The following OSMR variants were observed in gnomAD, a reference collection of about 807,000 sequenced individuals.
OSMR encodes the protein oncostatin-M-specific receptor subunit beta.
Under a neutral mutation model 99.9 loss-of-function variants are expected in OSMR, and 81 were observed. That is an observed-to-expected ratio of 0.81 (90% confidence interval 0.68 to 0.97). The LOEUF (loss-of-function observed/expected upper bound fraction) is 0.97. Ranked by LOEUF, OSMR falls within the 50% of genes least tolerant of loss-of-function variation. OSMR has a pLI of 0.00. For missense variants in OSMR, 1,099 were observed against 1,153.4 expected, an observed-to-expected ratio of 0.95 and a Z score of 0.68; for synonymous variants, 406 against 410.4, an observed-to-expected ratio of 0.99 and a Z score of 0.13.
chr5:38,926,113 A>G (rs1237697798), intron 15 of OSMR, among the ~76,000 whole-genome samples: 2 of 152,222 alleles, frequency 1.3e-5, no homozygotes, highest in Non-Finnish European at 2.9e-5. Flanking sequence ...ATACTGATGG[A>G]AGAAAGAGGA....
chr5:38,941,507 A>G (rs983332159), intron 1 of OSMR: 5 of 231,366 alleles, frequency 2.2e-5, no homozygotes, highest in African/African-American at 1.1e-4. Context: ...TGAAAGTGGA[A>G]GTCCATTGCA....
chr5:38,870,609 TA>T lies in OSMR; in HGVS notation c.73+1497del, dbSNP rs539134253. Among the ~76,000 whole-genome samples the T allele has an allele frequency of 2.2e-3, 338 of 152,328 alleles. 1 individual carries two copies. The highest frequency in any genetic ancestry group is 7.9e-3 in the African/African-American group (328 of 41,574). On this transcript the variant is annotated intron_variant, in intron 2 of 17. Transcript: ENST00000274276. The stretch of plus-strand genomic sequence containing the variant: ...CAATTAAAATGAGCAAGGTCTGGTA[TA>T]AAAATAAAACCGACTTTTTATACCA...
chr5:38,903,529 T>A (rs1390073966), intron 7 of OSMR, among the ~76,000 whole-genome samples: 1 of 152,248 alleles, frequency 6.6e-6, no homozygotes, highest in Non-Finnish European at 1.5e-5. Flanking sequence ...GATTATATCC[T>A]TGACATTGTT....
chr5:38,859,864 G>T (rs979725715), intron 1 of OSMR, among the ~76,000 whole-genome samples: 1 of 151,968 alleles, frequency 6.6e-6, no homozygotes, highest in African/African-American at 2.4e-5. Flanking sequence ...TTGCTTTCTT[G>T]ATATCTTTTT....
At chr5:38,883,008 A>T (rs1218402483) in intron 4 of OSMR, among the ~76,000 whole-genome samples, 3 of 152,210 alleles carry the variant, frequency 2.0e-5, no homozygotes, top group African/African-American at 7.2e-5. Context: ...CAGGGAAAGA[A>T]AAGATATTAA....
In OSMR at chr5:38,881,574, G is replaced by C; in HGVS notation, c.247-19G>C. ...ACAAGATGGCTATGTGTCTCCAATT[G>C]TTTTCTCTTTGCTTTTAGGGGAATT... On this transcript the variant is annotated intron_variant, in intron 3 of 17. Transcript: ENST00000274276. 2 of 1,614,128 alleles carry C rather than the reference G, an allele frequency of 1.2e-6. No individual in the cohort carries two copies. Among genetic ancestry groups the C allele is most frequent in the Non-Finnish European group, 1.7e-6 (2 of 1,179,996 alleles).
At chr5:38,941,708 C>T (rs1747591318) in intron 1 of OSMR, 1 of 232,022 alleles carries the variant, frequency 4.3e-6, no homozygotes, top group African/African-American at 2.2e-5. Context: ...ACTTATAAGT[C>T]CCGGGTTGTT....
At chr5:38,882,793 A>G (rs1374279902) in intron 4 of OSMR, among the ~76,000 whole-genome samples, 2 of 152,246 alleles carry the variant, frequency 1.3e-5, no homozygotes, top group South Asian at 2.1e-4. Context: ...AGTACTATAC[A>G]TATTTAGTTC....
rs1744346012 is a variant in OSMR, at chr5:38,894,306, C to T, written c.991+8116C>T. 2.6e-5 allele frequency among the ~76,000 whole-genome samples: 4 copies of T among 151,966 alleles called. No individual in the cohort carries two copies. In the South Asian group the frequency reaches 8.3e-4, roughly 32 times the overall value. On this transcript the variant is annotated intron_variant, in intron 7 of 17. Transcript: ENST00000274276. Reference sequence around the variant, plus strand: ...CCAGCTAACAACTTCACAATAGGATCAAAACCTCCTATATCAATATAAATC... The same window carrying T: ...CCAGCTAACAACTTCACAATAGGATTAAAACCTCCTATATCAATATAAATC...
chr5:38,939,909 A>G (rs928000702), downstream of OSMR: 5 of 227,454 alleles, frequency 2.2e-5, no homozygotes, highest in Non-Finnish European at 4.4e-5. Context: ...CACTGCATGT[A>G]TTTTTCACCA....
At chr5:38,885,817 A>G (rs1051066976) in intron 6 of OSMR, 2 of 936,858 alleles carry the variant, frequency 2.1e-6, no homozygotes, top group African/African-American at 3.6e-5. Context: ...CTTGCCACCC[A>G]CGGGGAGTCA....
Position 38,853,603 on chromosome 5 carries a change from A to C in OSMR, c.-14+7216A>C, listed in dbSNP as rs146531093. 9.1e-3 allele frequency among the ~76,000 whole-genome samples: 1,380 copies of C among 152,258 alleles called. 9 individuals carry two copies. Among genetic ancestry groups the C allele is most frequent in the South Asian group, 0.036 (173 of 4,820 alleles). ...GATCTCAAAAGTGATTTAAAATATC[A>C]CCTTTAGCATATGTACATATTTTTT... On this transcript the variant is annotated intron_variant, in intron 1 of 17. Coordinates refer to ENST00000274276, the MANE Select transcript of OSMR (RefSeq NM_003999.3).
At chr5:38,944,498 T>C (rs1439582428) in intron 2 of OSMR, 1 of 1,612,630 alleles carries the variant, frequency 6.2e-7, no homozygotes, top group Non-Finnish European at 8.5e-7. Flanking sequence ...CTCAAATTAA[T>C]GACTAATCTT....
rs1739768964 is a variant in OSMR, at chr5:38,846,030, G to A, written c.-371G>A. ...GCCCCGCAGCTGATTCATAGCCCCGGCCCGGGCCGCCTCTGCACGTCCGCC... is the reference window on the plus strand; with the variant it reads ...GCCCCGCAGCTGATTCATAGCCCCGACCCGGGCCGCCTCTGCACGTCCGCC... On this transcript the variant is annotated 5_prime_UTR_variant, in exon 1 of 18. Coordinates refer to ENST00000274276, the MANE Select transcript of OSMR (RefSeq NM_003999.3). The A allele has an allele frequency of 6.6e-6, 1 of 152,576 alleles. No homozygotes were observed. The highest frequency in any genetic ancestry group is 1.5e-5 in the Non-Finnish European group (1 of 68,328). The allele number at this position is 152,576 out of a possible 1,614,324, so 9.5% of individuals were successfully genotyped here. A position where few individuals can be genotyped will look rare whatever the true frequency, so the allele number is the denominator to read the frequency against.
intron 11 of OSMR, chr5:38,919,423 C>A (rs907316706): frequency 8.8e-7 from 1 of 1,136,194 alleles, no homozygotes; most frequent in Non-Finnish European, 1.2e-6. Flanking sequence ...ATTGCATTTA[C>A]TATTTTGTAA....
intron 7 of OSMR, among the ~76,000 whole-genome samples, chr5:38,899,704 T>G (rs1744770493): frequency 6.6e-6 from 1 of 152,210 alleles, no homozygotes; most frequent in African/African-American, 2.4e-5. Flanking sequence ...AAATGTCATC[T>G]GAGAGATAGG....
intron 15 of OSMR, 65 bp from the exon 16 acceptor site, chr5:38,931,818 T>G (rs1746764613): frequency 6.4e-7 from 1 of 1,573,810 alleles, no homozygotes; most frequent in Non-Finnish European, 8.7e-7. Flanking sequence ...CATAAACTTG[T>G]ATTTATTCCT....
intron 15 of OSMR, among the ~76,000 whole-genome samples, chr5:38,928,130 G>A (rs1746553167): frequency 6.6e-6 from 1 of 151,376 alleles, no homozygotes; most frequent in South Asian, 2.1e-4. Flanking sequence ...AAGCCTCTAG[G>A]AAGTTCCAAA....
At chr5:38,853,368 ATTC>A in intron 1 of OSMR, among the ~76,000 whole-genome samples, 1 of 152,268 alleles carries the variant, frequency 6.6e-6, no homozygotes, top group East Asian at 1.9e-4. Context: ...AGGTTATTTT[ATTC>A]TTCTCCTTCT....
Sources: gnomAD v4.1 joint callset for allele counts (sites outside exome capture counted in the v4.1 genomes callset) on GRCh38, gnomAD v4.1.1 for gene constraint, MANE v1.5 for transcripts, NCBI Gene and HGNC (gene_info 2026-07-23, HGNC 2026-07-21) for gene names.